Variants in EDIL3 observed in about 807,000 individuals in gnomAD.
EDIL3 encodes the protein EGF-like repeat and discoidin I-like domain-containing protein 3.
In EDIL3, 37 loss-of-function variants were observed where a neutral mutation model predicts 67.4. The observed-to-expected ratio is 0.55, with a 90% CI of 0.42 to 0.72. The LOEUF is 0.72. EDIL3 is among the 30% of genes least tolerant of loss of function. The pLI is 0.00. For missense variants in EDIL3, 527 were observed against 586.3 expected, an observed-to-expected ratio of 0.90 and a Z score of 1.04; for synonymous variants, 195 against 196.3, an observed-to-expected ratio of 0.99 and a Z score of 0.05.
rs1158818232 is a variant in EDIL3, at chr5:84,309,358, A to ATACTT, written c.68-55151_68-55147dup. On this transcript the variant is annotated intron_variant, in intron 1 of 10. Coordinates refer to ENST00000296591, the MANE Select transcript of EDIL3 (RefSeq NM_005711.5). ...ATTTCTTTTCTTTTTTTTTATTATTATACTTTAAGTTTTAGGGTACATGTG... is the reference window on the plus strand; with the variant it reads ...ATTTCTTTTCTTTTTTTTTATTATTATACTTTACTTTAAGTTTTAGGGTACATGTG... Among the ~76,000 whole-genome samples, 10 of 29,026 alleles carry ATACTT rather than the reference A, an allele frequency of 3.4e-4. No homozygotes were observed. In the South Asian group the frequency reaches 6.7e-3, roughly 19 times the overall value. The allele number at this position is 29,026 out of a possible 152,430, so 19.0% of individuals were successfully genotyped here. A position where few individuals can be genotyped will look rare whatever the true frequency, so the allele number is the denominator to read the frequency against.
chr5:83,989,628 A>T (rs544668334), intron 9 of EDIL3, among the ~76,000 whole-genome samples: 51 of 152,324 alleles, frequency 3.3e-4, no homozygotes, highest in African/African-American at 1.2e-3. Context: ...ATATTTGACT[A>T]AAGTATGGAC....
chr5:84,240,857 T>A (rs1338446135), intron 2 of EDIL3, among the ~76,000 whole-genome samples: 1 of 152,182 alleles, frequency 6.6e-6, no homozygotes, highest in Admixed American at 6.5e-5. Context: ...TTTCCCCATG[T>A]CTCCTATTAA....
intron 9 of EDIL3, among the ~76,000 whole-genome samples, chr5:84,034,990 A>T (rs1745993889): frequency 6.6e-6 from 1 of 151,994 alleles, no homozygotes; most frequent in Admixed American, 6.6e-5. Flanking sequence ...TCTTAAATAA[A>T]TTTTTCTGGG....
At chr5:84,126,648 T>C (rs1747874699) in intron 5 of EDIL3, among the ~76,000 whole-genome samples, 1 of 152,078 alleles carries the variant, frequency 6.6e-6, no homozygotes, top group Non-Finnish European at 1.5e-5. Context: ...AACACTATGA[T>C]TGGTTGTTGC....
chr5:84,218,290 G>T (rs1025482720), intron 3 of EDIL3, among the ~76,000 whole-genome samples: 3 of 152,154 alleles, frequency 2.0e-5, no homozygotes, highest in Non-Finnish European at 2.9e-5. Context: ...ATACTCTTAG[G>T]AATGTTCTAG....
chr5:84,292,148 G>T (rs1745936839), intron 1 of EDIL3, among the ~76,000 whole-genome samples: 1 of 151,746 alleles, frequency 6.6e-6, no homozygotes, highest in Admixed American at 6.6e-5. Flanking sequence ...TGTTTGTTTT[G>T]TTTTTTTAGC....
intron 9 of EDIL3, among the ~76,000 whole-genome samples, chr5:84,036,191 CT>C (rs1746019437): frequency 6.6e-6 from 1 of 152,188 alleles, no homozygotes; most frequent in Non-Finnish European, 1.5e-5. Context: ...CCTGTCTCTT[CT>C]AGGGATGGCA....
intron 10 of EDIL3, among the ~76,000 whole-genome samples, chr5:83,946,055 C>G (rs1225621647): frequency 6.6e-6 from 1 of 151,928 alleles, no homozygotes; most frequent in East Asian, 1.9e-4. Flanking sequence ...AATATTTCAC[C>G]TTGCAAAGGA....
At chr5:84,253,122 A>T (rs1332105204) in intron 2 of EDIL3, among the ~76,000 whole-genome samples, 2 of 152,146 alleles carry the variant, frequency 1.3e-5, no homozygotes, top group Non-Finnish European at 2.9e-5. Context: ...GCATAAGGTA[A>T]TTAAGTTAGG....
intron 3 of EDIL3, among the ~76,000 whole-genome samples, chr5:84,200,622 T>C (rs1404765279): frequency 1.3e-5 from 2 of 152,006 alleles, no homozygotes; most frequent in Admixed American, 6.6e-5. Context: ...TGTTACACAA[T>C]TTTGTGATAT....
At chr5:84,034,445 C>T (rs563800348) in intron 9 of EDIL3, among the ~76,000 whole-genome samples, 21 of 152,190 alleles carry the variant, frequency 1.4e-4, no homozygotes, top group Admixed American at 3.9e-4. Flanking sequence ...CTTTATGCAA[C>T]AGTAGGCTAG....
At chr5:84,146,148 CT>C (rs1284281924) in intron 4 of EDIL3, among the ~76,000 whole-genome samples, 8 of 152,088 alleles carry the variant, frequency 5.3e-5, no homozygotes, top group Non-Finnish European at 1.0e-4. Flanking sequence ...TTAGCACATC[CT>C]TCCACTTGTA....
At chr5:84,321,590 C>T (rs570216908) in intron 1 of EDIL3, among the ~76,000 whole-genome samples, 28 of 152,240 alleles carry the variant, frequency 1.8e-4, no homozygotes, top group Middle Eastern at 3.4e-3. Context: ...CAACCCTCAT[C>T]CTTCTGACGG....
intron 4 of EDIL3, among the ~76,000 whole-genome samples, chr5:84,143,019 T>C (rs924206664): frequency 6.6e-6 from 1 of 152,032 alleles, no homozygotes; most frequent in Non-Finnish European, 1.5e-5. Context: ...TTACATATTC[T>C]CCAGACCTCC....
chr5:84,343,537 A>G (rs1747168583), intron 1 of EDIL3, among the ~76,000 whole-genome samples: 1 of 152,146 alleles, frequency 6.6e-6, no homozygotes, highest in Non-Finnish European at 1.5e-5. Context: ...CAGGAAATAT[A>G]CTTGAACTTA....
At chr5:83,956,384 AC>A (rs1485061947) in intron 10 of EDIL3, among the ~76,000 whole-genome samples, 2 of 151,388 alleles carry the variant, frequency 1.3e-5, no homozygotes, top group Non-Finnish European at 3.0e-5. Flanking sequence ...CTTGTTTTTG[AC>A]CCCAGGCCTC....
rs908145108 is a variant in EDIL3 at position 84,371,460 on chromosome 5, G to T, written c.67+12848C>A. Among the ~76,000 whole-genome samples, 251 of 144,658 alleles carry T rather than the reference G, an allele frequency of 1.7e-3. 2 individuals are homozygous for T. Among genetic ancestry groups the T allele is most frequent in the East Asian group, 9.3e-3 (47 of 5,070 alleles). 94.9% of individuals were successfully genotyped at this position (144,658 alleles called of 152,430 possible). A position where few individuals can be genotyped will look rare whatever the true frequency, so the allele number is the denominator to read the frequency against. On this transcript the variant is annotated intron_variant, in intron 1 of 10. Transcript: ENST00000296591. ...ATATATATATATATATAGAGAGAGA[G>T]AGAGAGAGAGAGAGAGAAAGAGAGA...
At chr5:84,176,198 AATATAT>A (rs561062432) in intron 4 of EDIL3, among the ~76,000 whole-genome samples, 11,387 of 77,014 alleles carry the variant, frequency 0.15, 590 homozygotes, top group Non-Finnish European at 0.16. Flanking sequence ...ATATATATAT[AATATAT>A]ATATATATAT....
intron 9 of EDIL3, among the ~76,000 whole-genome samples, chr5:83,990,697 A>G (rs1745134852): frequency 6.6e-6 from 1 of 151,688 alleles, no homozygotes; most frequent in South Asian, 2.1e-4. Context: ...CCTGCCCAAC[A>G]TGGTGAAACC....
Sources: gnomAD v4.1 joint callset for allele counts (sites outside exome capture counted in the v4.1 genomes callset) on GRCh38, gnomAD v4.1.1 for gene constraint, MANE v1.5 for transcripts, NCBI Gene and HGNC (gene_info 2026-07-23, HGNC 2026-07-21) for gene names.